FMNL2: variants seen among roughly 807,000 people sequenced by gnomAD.
The protein encoded by FMNL2 is formin like 2.
FMNL2 carries 51 observed loss-of-function variants against 130.2 expected under a neutral mutation model. The observed-to-expected ratio is 0.39, with a 90% CI of 0.31 to 0.49. FMNL2 has a LOEUF of 0.49. Ranked by LOEUF, FMNL2 falls within the 20% of genes least tolerant of loss-of-function variation. The pLI, the probability that FMNL2 is intolerant of heterozygous loss-of-function variation, is 0.85. For synonymous variants in FMNL2, 465 were observed against 467.1 expected (o/e 1.00, Z 0.06); for missense variants, 977 against 1,316.2 (o/e 0.74, Z 3.99).
chr2:152,589,940 C>CATACATATATATATATAT (rs1697295819), intron 9 of FMNL2, among the ~76,000 whole-genome samples: 1 of 67,040 alleles, frequency 1.5e-5, no homozygotes, highest in Non-Finnish European at 2.8e-5. Context: ...TGGCTTTATA[C>CATACATATATATATATAT]ATATATATAT....
intron 7 of FMNL2, chr2:152,578,587 ATT>A (rs577799870): frequency 0.048 from 6,819 of 141,734 alleles, 439 homozygotes; most frequent in African/African-American, 0.16. Context: ...ATCATTGCCG[ATT>A]TTTTTTTTTT....
At position 152,558,824 on chromosome 2, in the gene FMNL2, G is replaced by GT. The variant is rs1379214306; in HGVS notation, c.443+2dup. The GT allele has an allele frequency of 6.2e-7, 1 of 1,612,132 alleles. No homozygotes were observed. The highest frequency in any genetic ancestry group is 1.7e-5 in the Admixed American group (1 of 59,830). On this transcript the variant is annotated splice_donor_variant, in intron 5 of 25. Transcript: ENST00000288670. LOFTEE classifies it high-confidence loss of function. ...TCTCATTTGCACAGTACGCGGTAACGTAAGTAAAACTTGGCTTGCTTGCAT... is the reference window on the plus strand; with the variant it reads ...TCTCATTTGCACAGTACGCGGTAACGTTAAGTAAAACTTGGCTTGCTTGCAT...
At chr2:152,435,895 C>T (rs569750525) in intron 1 of FMNL2, among the ~76,000 whole-genome samples, 6 of 152,270 alleles carry the variant, frequency 3.9e-5, no homozygotes, top group East Asian at 3.9e-4. Flanking sequence ...AGAGACTTTA[C>T]GAGGTGGCCC....
At chr2:152,573,968 GTGTTA>G (rs938770809) in intron 6 of FMNL2, among the ~76,000 whole-genome samples, 1 of 152,178 alleles carries the variant, frequency 6.6e-6, no homozygotes, top group African/African-American at 2.4e-5. Flanking sequence ...GAAGCCCTTT[GTGTTA>G]ATGTTTGGGA....
chr2:152,527,381 A>C (rs942975424), intron 2 of FMNL2, among the ~76,000 whole-genome samples: 1 of 152,210 alleles, frequency 6.6e-6, no homozygotes, highest in African/African-American at 2.4e-5. Context: ...CCAGTTACCT[A>C]TCAACCTTGT....
Position 152,335,405 on chromosome 2 carries a change from A to C in FMNL2, c.-199A>C. On this transcript the variant is annotated 5_prime_UTR_variant, in exon 1 of 26. It removes an upstream start codon present in the reference 5' UTR. Transcript: ENST00000288670. ...GGGCCGCGCTGGGGCGGCGGAGAGC[A>C]TGAGGGAGGCCGGGGGGCGGCTCGG... The C allele has an allele frequency of 3.3e-6, 1 of 300,030 alleles. No individual in the cohort carries two copies. The highest frequency in any genetic ancestry group is 6.0e-6 in the Non-Finnish European group (1 of 166,688). 18.6% of individuals were successfully genotyped at this position (300,030 alleles called of 1,614,324 possible). A position where few individuals can be genotyped will look rare whatever the true frequency, so the allele number is the denominator to read the frequency against.
intron 9 of FMNL2, among the ~76,000 whole-genome samples, 191 bp from the exon 10 acceptor site, chr2:152,607,148 A>G (rs1028039823): frequency 2.0e-5 from 3 of 152,128 alleles, no homozygotes; most frequent in Admixed American, 6.6e-5. Context: ...TGGAAAGGAA[A>G]CCAAGATCAG....
intron 1 of FMNL2, among the ~76,000 whole-genome samples, chr2:152,359,481 C>CTTTTTTT (rs10694393): frequency 1.3e-3 from 93 of 73,076 alleles, no homozygotes; most frequent in African/African-American, 2.1e-3. Context: ...AAGAGGTAGC[C>CTTTTTTT]TTTTTTTTTT....
chr2:152,640,709 A>G, intron 24 of FMNL2, 82 bp from the exon 25 acceptor site: 1 of 1,526,768 alleles, frequency 6.5e-7, no homozygotes, highest in Non-Finnish European at 8.8e-7. Flanking sequence ...TATTAGTAAC[A>G]TAATGCTCAG....
chr2:152,383,701 G>A (rs1040727997), intron 1 of FMNL2, among the ~76,000 whole-genome samples: 10 of 152,132 alleles, frequency 6.6e-5, no homozygotes, highest in African/African-American at 2.4e-4. Context: ...AATTACCACA[G>A]CAGCTAACCC....
chr2:152,493,772 G>A (rs1457064082), intron 1 of FMNL2, among the ~76,000 whole-genome samples: 2 of 152,202 alleles, frequency 1.3e-5, no homozygotes, highest in East Asian at 3.9e-4. Flanking sequence ...AATGCTTTGT[G>A]TACAGCCCAG....
At chr2:152,521,432 A>G (rs1693079686) in intron 1 of FMNL2, among the ~76,000 whole-genome samples, 1 of 152,226 alleles carries the variant, frequency 6.6e-6, no homozygotes, top group African/African-American at 2.4e-5. Flanking sequence ...GTCCTCAAGG[A>G]ATACTGTCAT....
chr2:152,591,245 G>A (rs1420642829), intron 9 of FMNL2, among the ~76,000 whole-genome samples: 3 of 151,800 alleles, frequency 2.0e-5, no homozygotes, highest in South Asian at 2.1e-4. Context: ...TCCTGACTTC[G>A]TGATCCGCCC....
chr2:152,502,238 G>T (rs1691882678), intron 1 of FMNL2, among the ~76,000 whole-genome samples: 1 of 152,206 alleles, frequency 6.6e-6, no homozygotes, highest in Admixed American at 6.5e-5. Flanking sequence ...GTACAACCCT[G>T]TTGGAAACCT....
At chr2:152,576,526 C>G (rs1267411826) in intron 7 of FMNL2, among the ~76,000 whole-genome samples, 1 of 152,142 alleles carries the variant, frequency 6.6e-6, no homozygotes, top group African/African-American at 2.4e-5. Context: ...ACTGATGAAG[C>G]TGGGACACAG....
intron 1 of FMNL2, among the ~76,000 whole-genome samples, chr2:152,504,145 C>T (rs769965783): frequency 4.6e-5 from 7 of 152,272 alleles, no homozygotes; most frequent in South Asian, 2.1e-4. Flanking sequence ...AAGCCAAGAT[C>T]GTGCCACTGC....
chr2:152,352,301 T>A (rs1482982082), intron 1 of FMNL2, among the ~76,000 whole-genome samples: 1 of 152,182 alleles, frequency 6.6e-6, no homozygotes, highest in Non-Finnish European at 1.5e-5. Context: ...ACATGAATGG[T>A]AGCTCAGGAA....
intron 7 of FMNL2, 67 bp downstream of exon 7, chr2:152,575,311 G>A: frequency 9.5e-6 from 10 of 1,055,036 alleles, no homozygotes; most frequent in Non-Finnish European, 1.3e-5. Flanking sequence ...TGACTGCTGG[G>A]TGCAGTGTAC....
At chr2:152,582,972 A>G (rs999248557) in intron 9 of FMNL2, among the ~76,000 whole-genome samples, 3 of 152,202 alleles carry the variant, frequency 2.0e-5, no homozygotes, top group African/African-American at 7.2e-5. Context: ...ATGAATGATA[A>G]TATTTTTTTC....
Sources: allele counts gnomAD v4.1 joint callset (sites outside exome capture counted in the v4.1 genomes callset), GRCh38; gene constraint gnomAD v4.1.1; transcripts MANE v1.5; gene names NCBI Gene and HGNC (gene_info 2026-07-23, HGNC 2026-07-21).